The following BRPF3 variants were observed in gnomAD, a reference collection of about 807,000 sequenced individuals.
BRPF3 encodes the protein bromodomain and PHD finger containing 3, also known as bromodomain and PHD finger-containing protein 3.
In BRPF3, 18 loss-of-function variants were observed where a neutral mutation model predicts 102.0. That is an observed-to-expected ratio of 0.18 (90% CI 0.12 to 0.26). BRPF3 has a LOEUF of 0.26. Ranked by LOEUF, BRPF3 falls within the 10% of genes least tolerant of loss-of-function variation. The pLI, the probability that BRPF3 is intolerant of heterozygous loss-of-function variation, is 1.00. For synonymous variants in BRPF3, 570 were observed against 614.2 expected, an observed-to-expected ratio of 0.93 and a Z score of 1.06; for missense variants, 1,147 against 1,567.8, an observed-to-expected ratio of 0.73 and a Z score of 4.53.
rs1767688591 is a variant in BRPF3, at chr6:36,201,281, G to A, written c.959G>A (p.Arg320His). The change falls in exon 2 of 13, where the codon CGC (arginine) becomes CAC (histidine). Residue 320 changes from arginine (R) to histidine (H), a missense_variant. Arg to His is a conservative substitution (Grantham distance 29). This residue lies in a region of BRPF3 where 44 missense variants were observed against 101.4 expected (regional missense o/e 0.43). Transcript: ENST00000357641. This position sits in a 1 kb window ranked among gnomAD's most constrained non-coding sequence, Gnocchi z 5.1. ...IEGIDNIPPARWKLTCYICKQ... is the reference protein window; with the variant it reads ...IEGIDNIPPAHWKLTCYICKQ... ...GGCATTGACAATATCCCGCCTGCCC[G>A]CTGGAAACTAACCTGCTATATCTGC... 2.5e-6 allele frequency: 4 copies of A among 1,614,114 alleles called. No homozygotes were observed. Among genetic ancestry groups the A allele is most frequent in the Admixed American group, 1.7e-5 (1 of 60,014 alleles).
rs1407554714 is a variant in BRPF3 at position 36,201,159 on chromosome 6, C to G, written c.837C>G (p.Phe279Leu). The G allele has an allele frequency of 6.2e-7, 1 of 1,614,170 alleles. No individual in the cohort carries two copies. Among genetic ancestry groups the G allele is most frequent in the Non-Finnish European group, 8.5e-7 (1 of 1,180,030 alleles). The change falls in exon 2 of 13, where the codon TTC (phenylalanine) becomes TTG (leucine). Residue 279 changes from phenylalanine (F) to leucine (L), a missense_variant. This residue lies in a region of BRPF3 where 221 missense variants were observed against 337.1 expected (regional missense o/e 0.66). Coordinates refer to ENST00000357641, the MANE Select transcript of BRPF3 (RefSeq NM_015695.3). The surrounding 1 kb of genome is among the most constrained non-coding windows in gnomAD (Gnocchi z 5.1). ...CILCPNKGGA[F>L]KQTSDGHWAH... is the part of the protein sequence containing the mutation. Reference sequence around the variant, plus strand: ...TTTGCCCCAATAAGGGTGGCGCCTTCAAACAGACCAGTGATGGGCACTGGG... The same window carrying G: ...TTTGCCCCAATAAGGGTGGCGCCTTGAAACAGACCAGTGATGGGCACTGGG...
chr6:36,206,465 G>A (rs1767909221), intron 3 of BRPF3, among the ~76,000 whole-genome samples: 1 of 152,180 alleles, frequency 6.6e-6, no homozygotes, highest in African/African-American at 2.4e-5. Context: ...GCGAAGTTAA[G>A]GCTCTTTTGC....
chr6:36,204,781 C>A lies in BRPF3; in HGVS notation c.1572C>A (p.His524Gln). The A allele has an allele frequency of 6.2e-7, 1 of 1,614,214 alleles. No homozygotes were observed. Among genetic ancestry groups the A allele is most frequent in the Non-Finnish European group, 8.5e-7 (1 of 1,180,030 alleles). The change falls in exon 3 of 13, where the codon CAC becomes CAA. Residue 524 changes from histidine to glutamine, a missense_variant. By Grantham distance (24) the His-to-Gln change is conservative. Transcript: ENST00000357641. ...GTGTCCCTCTTATCCGGCGCTTGCA[C>A]TCCCATCTGCAGTCCCAAAGAAACG... ...RNGVPLIRRLHSHLQSQRNAE... is the reference protein window; with the variant it reads ...RNGVPLIRRLQSHLQSQRNAE...
chr6:36,212,873 A>G (rs1355938387), intron 7 of BRPF3, among the ~76,000 whole-genome samples: 1 of 152,130 alleles, frequency 6.6e-6, no homozygotes, highest in Admixed American at 6.5e-5. Flanking sequence ...GAATGGCGTG[A>G]ACCCGGGAAG....
Position 36,211,503 on chromosome 6 carries a change from G to T in BRPF3, c.2425G>T (p.Asp809Tyr), listed in dbSNP as rs757706568. 1.0e-5 allele frequency: 16 copies of T among 1,567,356 alleles called. No homozygotes were observed. ...GGAGCTGCCAGCAGGGCCCCAGGGG[G>T]ATGCAGCTGTGCTGGAGCAGGCCTT... ...NGELPAGPQG[D>Y]AAVLEQALQE... The change falls in exon 7 of 13, where the codon GAT becomes TAT. Residue 809 changes from aspartate to tyrosine, a missense_variant. Transcript: ENST00000357641.
chr6:36,207,566 C>G, intron 4 of BRPF3, 122 bp downstream of exon 4: 2 of 1,325,472 alleles, frequency 1.5e-6, no homozygotes, highest in African/African-American at 3.0e-5. Context: ...CCTCCCTACC[C>G]AGGATTGTAG....
At position 36,213,999 on chromosome 6, in the gene BRPF3, C is replaced by A; in HGVS notation, c.2602C>A (p.Pro868Thr). ...GAAACCCATTAATGATAGCAAACCT[C>A]CAAGCAGGTTCCTAAAGCCCAGAAA... ...TLKPINDSKPPSRFLKPRKVE... is the reference protein window; with the variant it reads ...TLKPINDSKPTSRFLKPRKVE... Residue 868 changes from proline to threonine, a missense_variant, in exon 8 of 13, where the codon CCA (proline) becomes ACA (threonine). Around this residue, in one of 11 missense-constraint regions of BRPF3, gnomAD observed 379 missense variants for 426.3 expected, o/e 0.89. Coordinates refer to ENST00000357641, the MANE Select transcript of BRPF3 (RefSeq NM_015695.3). 6.2e-7 allele frequency: 1 copy of A among 1,614,046 alleles called. No individual in the cohort carries two copies. Among genetic ancestry groups the A allele is most frequent in the South Asian group, 1.1e-5 (1 of 91,076 alleles).
rs139616283 is a variant in BRPF3 at position 36,225,381 on chromosome 6, C to T, written c.3279+17C>T. The T allele has an allele frequency of 1.4e-4, 219 of 1,601,986 alleles. No individual in the cohort carries two copies. The highest frequency in any genetic ancestry group is 1.7e-4 in the Non-Finnish European group (196 of 1,174,976). On this transcript the variant is annotated intron_variant, in intron 11 of 12. Transcript: ENST00000357641. ...CCTGCCTTGGTGAGTCTGCCCCAGA[C>T]GCCACCCTCCTATCTCCCCTGCCTT...
At chr6:36,217,031 C>G (rs903290498) in intron 8 of BRPF3, among the ~76,000 whole-genome samples, 7 of 152,118 alleles carry the variant, frequency 4.6e-5, no homozygotes, top group African/African-American at 1.4e-4. Context: ...GAGCGAGACC[C>G]TATCTCAAAA....
At position 36,228,954 on chromosome 6, in the gene BRPF3, T is replaced by A; in HGVS notation, c.3332T>A (p.Ile1111Asn). Reference protein sequence around the residue: ...REGLLHNGVPIPVPPLDVLKL... With the variant: ...REGLLHNGVPNPVPPLDVLKL... ...GGCCTCCTGCACAATGGCGTTCCCATCCCTGTCCCCCCGCTGGACGTGCTG... is the reference window on the plus strand; with the variant it reads ...GGCCTCCTGCACAATGGCGTTCCCAACCCTGTCCCCCCGCTGGACGTGCTG... The change falls in exon 12 of 13, where the codon ATC becomes AAC. Residue 1111 changes from isoleucine to asparagine, a missense_variant. Physicochemically the swap from Ile to Asn is moderately radical, Grantham distance 149 (BLOSUM62 -3). Transcript: ENST00000357641. The A allele has an allele frequency of 6.2e-7, 1 of 1,614,176 alleles. No individual in the cohort carries two copies. Among genetic ancestry groups the A allele is most frequent in the Non-Finnish European group, 8.5e-7 (1 of 1,180,026 alleles).
chr6:36,228,876 G>C, intron 11 of BRPF3, 26 bp from the exon 12 acceptor site: 2 of 1,613,146 alleles, frequency 1.2e-6, no homozygotes, highest in Non-Finnish European at 1.7e-6. Flanking sequence ...CCCTCACTGA[G>C]TGCCCATCTT....
intron 12 of BRPF3, among the ~76,000 whole-genome samples, chr6:36,229,317 G>A (rs1434192333): frequency 6.6e-6 from 1 of 152,220 alleles, no homozygotes; most frequent in Non-Finnish European, 1.5e-5. Context: ...TGCAGCACTG[G>A]GCAGAAGTTG....
chr6:36,213,480 G>C (rs969128463), intron 7 of BRPF3, among the ~76,000 whole-genome samples: 15 of 152,206 alleles, frequency 9.9e-5, no homozygotes, highest in South Asian at 2.1e-4. Flanking sequence ...GATTGTTTGA[G>C]GCCAGGAGTT....
chr6:36,222,175 A>T lies in BRPF3; in HGVS notation c.3091A>T (p.Thr1031Ser). ...TCCCTGCTCTGTGTGCAGTGGTCTG[A>T]CGCCCCCCAAACGCAGCCGTGGGAA... ...GLAFEACSGL[T>S]PPKRSRGKPA... The change falls in exon 10 of 13, where the codon ACG (threonine) becomes TCG (serine). Residue 1031 changes from threonine (T) to serine (S), a missense_variant. Transcript: ENST00000357641. The T allele has an allele frequency of 6.5e-7, 1 of 1,550,144 alleles. No homozygotes were observed. The highest frequency in any genetic ancestry group is 8.7e-7 in the Non-Finnish European group (1 of 1,147,038).
intron 4 of BRPF3, 144 bp from the exon 5 acceptor site, chr6:36,209,643 T>TG (rs1768024486): frequency 1.1e-6 from 1 of 948,988 alleles, no homozygotes; most frequent in Admixed American, 3.2e-5. Context: ...AAAGGTTGGG[T>TG]GATAGCTTCT....
At position 36,209,825 on chromosome 6, in the gene BRPF3, G is replaced by T; in HGVS notation, c.1776G>T (p.Met592Ile). 6.2e-7 allele frequency: 1 copy of T among 1,614,244 alleles called. No homozygotes were observed. Residue 592 changes from methionine to isoleucine, a missense_variant, in exon 5 of 13, where the codon ATG becomes ATT. Physicochemically the swap from Met to Ile is conservative, Grantham distance 10. Coordinates refer to ENST00000357641, the MANE Select transcript of BRPF3 (RefSeq NM_015695.3). ...VQQAAMELEL[M>I]PFNVLLRTTL... ...AGGCTGCCATGGAGCTGGAGCTGAT[G>T]CCATTCAATGTTCTGTTGAGGACAA...
chr6:36,222,819 C>T (rs887786332), intron 10 of BRPF3, among the ~76,000 whole-genome samples: 7 of 152,162 alleles, frequency 4.6e-5, no homozygotes, highest in Non-Finnish European at 1.0e-4. Flanking sequence ...CATTTATTAT[C>T]GTAACCAGTG....
chr6:36,216,348 A>G (rs1768327127), intron 8 of BRPF3, among the ~76,000 whole-genome samples: 1 of 152,196 alleles, frequency 6.6e-6, no homozygotes, highest in Admixed American at 6.5e-5. Flanking sequence ...GCTGTTGGGA[A>G]GTAGCTCTGT....
chr6:36,222,389 G>T, intron 10 of BRPF3, 124 bp downstream of exon 10: 1 of 791,502 alleles, frequency 1.3e-6, no homozygotes. Flanking sequence ...CAAACTCTTG[G>T]GCCCTTGGGC....
Sources: gnomAD v4.1 joint callset for allele counts (sites outside exome capture counted in the v4.1 genomes callset) on GRCh38, gnomAD v4.1.1 for gene constraint, gnomAD v4.1.1 regional missense constraint, Gnocchi (gnomAD v3.1) non-coding constraint, MANE v1.5 for transcripts, NCBI Gene and HGNC (gene_info 2026-07-23, HGNC 2026-07-21) for gene names.